Variants in CA10 observed in about 807,000 individuals in gnomAD.
CA10 encodes carbonic anhydrase 10 (inactive), also known as carbonic anhydrase-related protein 10.
Under a neutral mutation model 44.2 loss-of-function variants are expected in CA10, and 14 were observed. The ratio of observed to expected loss-of-function variants is 0.32; its 90% CI spans 0.21 to 0.50. CA10 has a LOEUF of 0.50. Among genes scored for constraint, CA10 ranks in the 20% least tolerant of loss-of-function variants. The probability of loss-of-function intolerance (pLI) is 0.99; values close to 1 mark genes in which losing one functional copy is unlikely to be tolerated. For synonymous variants in CA10, 159 were observed against 141.6 expected (o/e 1.12, Z -0.87); for missense variants, 350 against 409.7 (o/e 0.85, Z 1.26).
At chr17:51,881,397 G>A (rs1487972936) in intron 3 of CA10, among the ~76,000 whole-genome samples, 2 of 151,898 alleles carry the variant, frequency 1.3e-5, no homozygotes, top group Admixed American at 1.3e-4. Flanking sequence ...AATAAAGGAC[G>A]AAACCCAGGA....
intron 2 of CA10, among the ~76,000 whole-genome samples, chr17:51,997,542 A>C (rs1396645330): frequency 1.3e-5 from 2 of 152,108 alleles, no homozygotes; most frequent in African/African-American, 4.8e-5. Flanking sequence ...GAACCTATGG[A>C]TACCTTGAGA....
rs1050941726 is a variant in CA10, at chr17:51,929,670, C to A, written c.279+1320G>T. On this transcript the variant is annotated intron_variant, in intron 3 of 8. Transcript: ENST00000451037. ...CTTTTCCTTCTTAAATACTGACCAGCGAACTCACACGTGTTCACGACTTTA... is the reference window on the plus strand; with the variant it reads ...CTTTTCCTTCTTAAATACTGACCAGAGAACTCACACGTGTTCACGACTTTA... 7.6e-5 allele frequency among the ~76,000 whole-genome samples: 11 copies of A among 144,702 alleles called. No individual in the cohort carries two copies. In the Admixed American group the frequency reaches 7.8e-4, roughly 10 times the overall value. 94.9% of individuals were successfully genotyped at this position (144,702 alleles called of 152,430 possible). A position where few individuals can be genotyped will look rare whatever the true frequency, so the allele number is the denominator to read the frequency against.
At chr17:51,849,775 A>C (rs1978706176) in intron 3 of CA10, among the ~76,000 whole-genome samples, 1 of 152,258 alleles carries the variant, frequency 6.6e-6, no homozygotes, top group East Asian at 1.9e-4. Context: ...CCCAGGCAAA[A>C]ACCACTCGGG....
At chr17:51,916,213 G>A (rs2143961009) in intron 3 of CA10, among the ~76,000 whole-genome samples, 1 of 152,312 alleles carries the variant, frequency 6.6e-6, no homozygotes, top group Non-Finnish European at 1.5e-5. Flanking sequence ...GGCTCTGGAG[G>A]GGTAGAAGCT....
At chr17:51,938,273 TTGAG>T in intron 2 of CA10, among the ~76,000 whole-genome samples, 1 of 151,856 alleles carries the variant, frequency 6.6e-6, no homozygotes, top group South Asian at 2.1e-4. Flanking sequence ...GGAGAAGGGG[TTGAG>T]TGAGGAGGGG....
chr17:52,077,114 G>A (rs1987837275), intron 1 of CA10, among the ~76,000 whole-genome samples: 1 of 152,162 alleles, frequency 6.6e-6, no homozygotes, highest in Non-Finnish European at 1.5e-5. Context: ...TTTTCCAAAG[G>A]AAACTCTGAA....
intron 4 of CA10, among the ~76,000 whole-genome samples, chr17:51,673,805 C>T (rs1035767048): frequency 1.3e-5 from 2 of 152,226 alleles, no homozygotes; most frequent in Non-Finnish European, 2.9e-5. Context: ...TGGGAAATGT[C>T]CAGGCTCTTT....
chr17:51,655,117 A>C (rs1010028700), intron 4 of CA10, among the ~76,000 whole-genome samples: 3 of 152,192 alleles, frequency 2.0e-5, no homozygotes, highest in African/African-American at 7.2e-5. Flanking sequence ...GATTTTTTAA[A>C]ATTTAAAAGT....
intron 1 of CA10, among the ~76,000 whole-genome samples, chr17:52,072,717 A>AC (rs59430467): frequency 1.3e-4 from 14 of 106,566 alleles, no homozygotes; most frequent in South Asian, 9.0e-4. Context: ...ACACACACAC[A>AC]ACACACACAC....
intron 3 of CA10, among the ~76,000 whole-genome samples, chr17:51,837,515 G>C (rs558528769): frequency 6.6e-6 from 1 of 152,234 alleles, no homozygotes; most frequent in Middle Eastern, 3.4e-3. Flanking sequence ...TTAGAGTTAC[G>C]AAATAATTAT....
Position 51,846,428 on chromosome 17 carries a change from C to G in CA10, c.279+84562G>C, listed in dbSNP as rs187104173. ...GGCTGCCTATGGTCAGAAATGCCAG[C>G]CAATCTTATGTGCCCCTTGTTGCAC... is the stretch of plus-strand genomic sequence containing the variant. On this transcript the variant is annotated intron_variant, in intron 3 of 8. Coordinates refer to ENST00000451037, the MANE Select transcript of CA10 (RefSeq NM_020178.5). 3.3e-5 allele frequency among the ~76,000 whole-genome samples: 5 copies of G among 152,316 alleles called. No individual in the cohort carries two copies. In the East Asian group the frequency reaches 9.7e-4, roughly 29 times the overall value.
At chr17:51,660,953 A>G (rs969338696) in intron 4 of CA10, among the ~76,000 whole-genome samples, 2 of 151,992 alleles carry the variant, frequency 1.3e-5, no homozygotes, top group African/African-American at 4.8e-5. Context: ...GGGAGGGAAT[A>G]AACTTCCCTC....
intron 3 of CA10, among the ~76,000 whole-genome samples, chr17:51,778,004 G>T (rs192894831): frequency 7.9e-4 from 121 of 152,272 alleles, no homozygotes; most frequent in African/African-American, 2.9e-3. Flanking sequence ...TTGTGAGGCA[G>T]GATTGGCTCA....
intron 4 of CA10, among the ~76,000 whole-genome samples, chr17:51,659,577 A>G (rs1307405074): frequency 2.6e-5 from 4 of 152,358 alleles, no homozygotes; most frequent in Middle Eastern, 3.4e-3. Context: ...GATGTAAACC[A>G]TAGACGCCCA....
At chr17:51,836,600 C>G (rs1464884182) in intron 3 of CA10, among the ~76,000 whole-genome samples, 1 of 152,192 alleles carries the variant, frequency 6.6e-6, no homozygotes, top group Non-Finnish European at 1.5e-5. Context: ...GTAGTAAAGG[C>G]TCTGAGAGAA....
intron 3 of CA10, among the ~76,000 whole-genome samples, chr17:51,897,420 C>G (rs957230067): frequency 2.6e-5 from 4 of 152,062 alleles, no homozygotes; most frequent in Admixed American, 2.0e-4. Flanking sequence ...TTCCATTGTT[C>G]TGTGTGCCTG....
At chr17:51,704,899 G>GT (rs1480522006) in intron 4 of CA10, among the ~76,000 whole-genome samples, 3 of 151,796 alleles carry the variant, frequency 2.0e-5, no homozygotes, top group Non-Finnish European at 4.4e-5. Context: ...GGAGGTGGAG[G>GT]TGGAGGTTGC....
At chr17:51,998,319 G>A (rs1388228791) in intron 2 of CA10, among the ~76,000 whole-genome samples, 1 of 152,080 alleles carries the variant, frequency 6.6e-6, no homozygotes, top group African/African-American at 2.4e-5. Context: ...TGCAGGTGCT[G>A]TAGATAGCTA....
intron 3 of CA10, among the ~76,000 whole-genome samples, chr17:51,838,448 T>A (rs1222737715): frequency 2.0e-5 from 3 of 152,262 alleles, no homozygotes; most frequent in Non-Finnish European, 2.9e-5. Context: ...TTCTTAGGAC[T>A]GCTGTAGCTT....
Sources: allele counts gnomAD v4.1 joint callset (sites outside exome capture counted in the v4.1 genomes callset), GRCh38; gene constraint gnomAD v4.1.1; transcripts MANE v1.5; gene names NCBI Gene and HGNC (gene_info 2026-07-23, HGNC 2026-07-21).